Variants in AFF3 observed in about 807,000 individuals in gnomAD.
The protein encoded by AFF3 is ALF transcription elongation factor 3.
A neutral mutation model predicts 129.7 loss-of-function variants in AFF3; 32 were observed. The observed-to-expected ratio is 0.25, with a 90% CI of 0.19 to 0.33. The LOEUF (loss-of-function observed/expected upper bound fraction) is 0.33, where lower values mean the gene tolerates loss of function less well. Among genes scored for constraint, AFF3 ranks in the 10% least tolerant of loss-of-function variants. The pLI is 1.00. For missense variants in AFF3, 1,373 were observed against 1,592.0 expected (o/e 0.86, Z 2.34); for synonymous variants, 644 against 635.4 (o/e 1.01, Z -0.20).
intron 8 of AFF3, among the ~76,000 whole-genome samples, chr2:99,787,026 TTAA>T (rs1252338252): frequency 5.3e-5 from 8 of 152,274 alleles, no homozygotes; most frequent in African/African-American, 1.2e-4. Flanking sequence ...AGTGAGAGAC[TTAA>T]TGATGGATTT....
chr2:99,766,681 A>C (rs1683049591), intron 8 of AFF3, among the ~76,000 whole-genome samples: 1 of 152,274 alleles, frequency 6.6e-6, no homozygotes, highest in Non-Finnish European at 1.5e-5. Flanking sequence ...AAATATAAAC[A>C]GGATGACAAC....
chr2:99,670,392 T>G (rs200748192), intron 12 of AFF3, among the ~76,000 whole-genome samples: 1 of 29,056 alleles, frequency 3.4e-5, no homozygotes, highest in Non-Finnish European at 5.9e-5. Flanking sequence ...AGGTTAAGGA[T>G]TTTTCATACA....
chr2:100,016,428 AGTGGTGGTGAT>A (rs1159881167), intron 4 of AFF3, among the ~76,000 whole-genome samples: 3 of 106,588 alleles, frequency 2.8e-5, no homozygotes, highest in Non-Finnish European at 4.2e-5. Context: ...TAGTGGTGGC[AGTGGTGGTGAT>A]GTGGTGGTGG....
At chr2:99,983,299 C>T (rs1268941095) in intron 7 of AFF3, among the ~76,000 whole-genome samples, 1 of 152,166 alleles carries the variant, frequency 6.6e-6, no homozygotes, top group Admixed American at 6.6e-5. Flanking sequence ...TTTGCTCCAT[C>T]CTGCTTTGAA....
chr2:100,089,063 C>T (rs1689668988), intron 4 of AFF3, among the ~76,000 whole-genome samples: 1 of 152,088 alleles, frequency 6.6e-6, no homozygotes, highest in Admixed American at 6.6e-5. Flanking sequence ...ACCCTGCCTG[C>T]TCTAAAAGTC....
chr2:99,908,020 A>T (rs1349016161), intron 7 of AFF3, among the ~76,000 whole-genome samples: 1 of 152,096 alleles, frequency 6.6e-6, no homozygotes, highest in African/African-American at 2.4e-5. Context: ...TGTCTGCCTG[A>T]TGCTTGTTTC....
At chr2:99,873,449 T>C (rs1001466949) in intron 7 of AFF3, among the ~76,000 whole-genome samples, 4 of 152,236 alleles carry the variant, frequency 2.6e-5, no homozygotes, top group South Asian at 2.1e-4. Context: ...GTATGCATTG[T>C]AGGCATCACT....
intron 4 of AFF3, among the ~76,000 whole-genome samples, chr2:100,051,687 T>G (rs533478266): frequency 6.6e-6 from 1 of 152,166 alleles, no homozygotes; most frequent in Non-Finnish European, 1.5e-5. Flanking sequence ...AGATGACTTG[T>G]AAGTGTCCGC....
intron 11 of AFF3, among the ~76,000 whole-genome samples, chr2:99,725,640 A>G (rs1679310268): frequency 6.6e-6 from 1 of 152,164 alleles, no homozygotes; most frequent in Non-Finnish European, 1.5e-5. Flanking sequence ...GGGAACGGAC[A>G]TTTTAGAAAT....
intron 7 of AFF3, among the ~76,000 whole-genome samples, chr2:99,964,458 C>T (rs1188491847): frequency 6.6e-6 from 1 of 152,058 alleles, no homozygotes; most frequent in Non-Finnish European, 1.5e-5. Context: ...ACAAAGACAA[C>T]AGAACAATCT....
intron 2 of AFF3, among the ~76,000 whole-genome samples, chr2:100,127,198 A>G (rs1692230367): frequency 1.3e-5 from 2 of 152,062 alleles, no homozygotes; most frequent in African/African-American, 4.8e-5. Flanking sequence ...AGTGTCCATG[A>G]CTCAGCGGTT....
chr2:99,993,029 G>C (rs1003250501), intron 7 of AFF3, among the ~76,000 whole-genome samples: 1 of 152,180 alleles, frequency 6.6e-6, no homozygotes. Context: ...GGCTGGAAGG[G>C]AATATGGACC....
intron 8 of AFF3, among the ~76,000 whole-genome samples, chr2:99,826,229 G>A (rs1025949934): frequency 6.6e-6 from 1 of 152,050 alleles, no homozygotes; most frequent in Non-Finnish European, 1.5e-5. Context: ...TGGCCAGGCT[G>A]GTCTCGACCT....
intron 12 of AFF3, among the ~76,000 whole-genome samples, chr2:99,665,615 G>C (rs994607824): frequency 4.6e-5 from 7 of 152,218 alleles, no homozygotes; most frequent in African/African-American, 1.7e-4. Flanking sequence ...AAGTAAAGTA[G>C]GTTTGCGGTT....
intron 7 of AFF3, among the ~76,000 whole-genome samples, chr2:99,918,020 A>G (rs1173957512): frequency 6.7e-6 from 1 of 149,286 alleles, no homozygotes; most frequent in Admixed American, 6.9e-5. Context: ...ATTCTGATAG[A>G]AAATAAGGTA....
At chr2:99,703,046 A>G (rs1192415970) in intron 11 of AFF3, among the ~76,000 whole-genome samples, 1 of 152,246 alleles carries the variant, frequency 6.6e-6, no homozygotes, top group African/African-American at 2.4e-5. Context: ...TGCTGCTATA[A>G]GAAATTACAC....
At chr2:99,827,181 T>G (rs13401198) in intron 8 of AFF3, among the ~76,000 whole-genome samples, 289 of 152,236 alleles carry the variant, frequency 1.9e-3, no homozygotes, top group African/African-American at 6.7e-3. Context: ...AACAGAGCTG[T>G]GTTTGAGACA....
chr2:99,706,124 G>C (rs1170584663), intron 11 of AFF3, among the ~76,000 whole-genome samples: 1 of 152,110 alleles, frequency 6.6e-6, no homozygotes, highest in African/African-American at 2.4e-5. Flanking sequence ...GGGACCTCTC[G>C]AGTTACGATG....
intron 7 of AFF3, among the ~76,000 whole-genome samples, chr2:99,962,987 C>G (rs915459643): frequency 1.3e-5 from 2 of 151,352 alleles, no homozygotes; most frequent in Admixed American, 1.3e-4. Flanking sequence ...CACAACAACA[C>G]ACATCATAAT....
Sources: allele counts gnomAD v4.1 joint callset (sites outside exome capture counted in the v4.1 genomes callset), GRCh38; gene constraint gnomAD v4.1.1; transcripts MANE v1.5; gene names NCBI Gene and HGNC (gene_info 2026-07-23, HGNC 2026-07-21).